AGBL3: variants seen among roughly 807,000 people sequenced by gnomAD.
AGBL3 encodes the protein AGBL carboxypeptidase 3.
Under a neutral mutation model 94.5 loss-of-function variants are expected in AGBL3, and 68 were observed. The observed-to-expected ratio is 0.72, with a 90% confidence interval of 0.59 to 0.88. The LOEUF is 0.88. AGBL3 is among the 40% of genes least tolerant of loss of function. The probability of loss-of-function intolerance (pLI) is 0.00; values close to 1 mark genes in which losing one functional copy is unlikely to be tolerated. For synonymous variants in AGBL3, 354 were observed against 370.7 expected (o/e 0.95, Z 0.52); for missense variants, 934 against 1,103.8 (o/e 0.85, Z 2.18).
intron 16 of AGBL3, among the ~76,000 whole-genome samples, chr7:135,123,728 G>A (rs1212491907): frequency 6.6e-6 from 1 of 152,126 alleles, no homozygotes; most frequent in African/African-American, 2.4e-5. Context: ...AAAAGATTGG[G>A]AGTCAATATT....
chr7:135,018,469 G>C (rs1765757553), intron 5 of AGBL3, among the ~76,000 whole-genome samples: 1 of 152,190 alleles, frequency 6.6e-6, no homozygotes, highest in South Asian at 2.1e-4. Flanking sequence ...GTAGAGGATA[G>C]ATCTGTAGGT....
intron 4 of AGBL3, chr7:135,010,632 A>T (rs1813025354): frequency 6.6e-6 from 1 of 152,192 alleles, no homozygotes; most frequent in Non-Finnish European, 1.5e-5. Flanking sequence ...AGGAAATATA[A>T]GTATTTGGAG....
intron 7 of AGBL3, among the ~76,000 whole-genome samples, chr7:135,035,990 A>G (rs1415711907): frequency 6.6e-6 from 1 of 152,120 alleles, no homozygotes; most frequent in Non-Finnish European, 1.5e-5. Flanking sequence ...AAATTAACAC[A>G]TAATAAATTT....
intron 15 of AGBL3, among the ~76,000 whole-genome samples, chr7:135,113,821 C>T (rs150741098): frequency 6.6e-6 from 1 of 152,194 alleles, no homozygotes; most frequent in African/African-American, 2.4e-5. Context: ...CTCCCTCCCC[C>T]CAGCACCTGG....
intron 15 of AGBL3, among the ~76,000 whole-genome samples, chr7:135,110,167 T>TC (rs1448173132): frequency 1.3e-5 from 2 of 152,082 alleles, no homozygotes; most frequent in African/African-American, 4.8e-5. Flanking sequence ...TCCAAGCCAG[T>TC]CCCTCTGGGA....
intron 15 of AGBL3, among the ~76,000 whole-genome samples, chr7:135,096,622 T>TAGATAGATAGAC (rs1822854289): frequency 6.8e-6 from 1 of 147,810 alleles, no homozygotes; most frequent in Admixed American, 6.8e-5. Flanking sequence ...GATAGATAGA[T>TAGATAGATAGAC]AGGGCTATTC....
chr7:135,003,065 A>G (rs1027193226), intron 4 of AGBL3, among the ~76,000 whole-genome samples: 1 of 151,976 alleles, frequency 6.6e-6, no homozygotes. Context: ...TACTTTGTCT[A>G]TCATTTTTAA....
intron 11 of AGBL3, among the ~76,000 whole-genome samples, chr7:135,050,810 C>A (rs10253047): frequency 0.93 from 141,518 of 152,042 alleles, 66,637 homozygotes; most frequent in Non-Finnish European, 1. Context: ...CTTAAATCTA[C>A]AGGGAGTATC....
In AGBL3 at chr7:135,034,850, G is replaced by A. The variant is rs189905445; in HGVS notation, c.1259G>A (p.Arg420Gln). 7.3e-4 allele frequency: 1,137 copies of A among 1,551,456 alleles called. No homozygotes were observed. The highest frequency in any genetic ancestry group is 9.5e-4 in the Non-Finnish European group (1,088 of 1,146,854). ...VGNYRCSLAG[R>Q]DLNRNYTSLL... ...AATTATCGCTGTTCCTTAGCTGGAC[G>A]GGATTTAAACCGTAATTATACATCT... Residue 420 changes from arginine to glutamine, a missense_variant, in exon 7 of 17, where the codon CGG (arginine) becomes CAG (glutamine). Transcript: ENST00000436302.
intron 13 of AGBL3, among the ~76,000 whole-genome samples, chr7:135,078,889 C>A (rs998687183): frequency 6.6e-6 from 1 of 152,140 alleles, no homozygotes; most frequent in African/African-American, 2.4e-5. Flanking sequence ...AACTTAAATT[C>A]ATGCTCTCGA....
chr7:135,035,002 A>C, intron 7 of AGBL3, 74 bp downstream of exon 7: 97 of 1,303,940 alleles, frequency 7.4e-5, no homozygotes, highest in Middle Eastern at 2.3e-4. Context: ...CCACAATCTC[A>C]TTCATTTTAC....
chr7:135,005,799 T>C (rs558600551), intron 4 of AGBL3, among the ~76,000 whole-genome samples: 1 of 151,784 alleles, frequency 6.6e-6, no homozygotes, highest in Non-Finnish European at 1.5e-5. Context: ...TATTCCCAAG[T>C]GGTTTTTCAT....
In AGBL3 at chr7:134,988,557, C is replaced by T. The variant is rs559487993; in HGVS notation, c.63+561C>T. On this transcript the variant is annotated intron_variant, in intron 2 of 16. Transcript: ENST00000436302. Reference sequence around the variant, plus strand: ...AAATTATGTATGTAAACTAATGTCCCGAAATAAGCTCTTAAAGCTTACTTT... The same window carrying T: ...AAATTATGTATGTAAACTAATGTCCTGAAATAAGCTCTTAAAGCTTACTTT... Among the ~76,000 whole-genome samples the T allele has an allele frequency of 3.9e-5, 6 of 152,084 alleles. No homozygotes were observed. In the South Asian group the frequency reaches 8.3e-4, roughly 21 times the overall value.
rs550461152 is a variant in AGBL3 at position 135,034,279 on chromosome 7, A to G, written c.688A>G (p.Lys230Glu). Residue 230 changes from lysine to glutamate, a missense_variant, in exon 7 of 17, where the codon AAA becomes GAA. Lys to Glu is a moderately conservative substitution (Grantham distance 56, BLOSUM62 1). This residue lies in a region of AGBL3 where 488 missense variants were observed against 563.6 expected (regional missense o/e 0.87). Transcript: ENST00000436302. ...CAGATTCACTATTGTCAACTTCACC[A>G]AACCTGCTAGTCTTTACAGTCGGGG... ...VYRFTIVNFT[K>E]PASLYSRGMR... The G allele has an allele frequency of 6.4e-7, 1 of 1,551,816 alleles. No homozygotes were observed. Among genetic ancestry groups the G allele is most frequent in the African/African-American group, 1.4e-5 (1 of 73,178 alleles).
rs1817315442 is a variant in AGBL3, at chr7:135,045,930, A to T, written c.1841+19A>T. 1.3e-5 allele frequency: 19 copies of T among 1,416,398 alleles called. No homozygotes were observed. Among genetic ancestry groups the T allele is most frequent in the Non-Finnish European group, 1.8e-5 (19 of 1,032,786 alleles). The allele number at this position is 1,416,398 out of a possible 1,614,324, so 87.7% of individuals were successfully genotyped here. On this transcript the variant is annotated intron_variant, in intron 11 of 16. Transcript: ENST00000436302. ...AGTCTAGGTAACTCAAGGCTGCTGA[A>T]GTAATGCAATTTGTTGTGCTGTTTT... is the stretch of plus-strand genomic sequence containing the variant.
intron 4 of AGBL3, among the ~76,000 whole-genome samples, chr7:135,002,659 C>T (rs140026068): frequency 6.6e-6 from 1 of 152,282 alleles, no homozygotes; most frequent in African/African-American, 2.4e-5. Flanking sequence ...TGGACAAGGT[C>T]CAAATCTTTC....
intron 4 of AGBL3, among the ~76,000 whole-genome samples, chr7:135,006,183 T>C (rs1006990148): frequency 5.9e-5 from 9 of 151,894 alleles, no homozygotes; most frequent in Admixed American, 3.3e-4. Flanking sequence ...AACATGCTTA[T>C]GCCAGTTGAT....
intron 12 of AGBL3, among the ~76,000 whole-genome samples, chr7:135,072,485 T>C (rs1419524048): frequency 1.3e-5 from 2 of 152,156 alleles, no homozygotes; most frequent in African/African-American, 4.8e-5. Flanking sequence ...TGCGGCACTA[T>C]TCACAACAGC....
At chr7:135,056,275 TC>T (rs1239683342) in intron 11 of AGBL3, among the ~76,000 whole-genome samples, 3 of 152,120 alleles carry the variant, frequency 2.0e-5, no homozygotes, top group African/African-American at 7.2e-5. Flanking sequence ...CTTCTTTTTT[TC>T]TGCTTGCATT....
Sources: gnomAD v4.1 joint callset for allele counts (sites outside exome capture counted in the v4.1 genomes callset) on GRCh38, gnomAD v4.1.1 for gene constraint, gnomAD v4.1.1 regional missense constraint, MANE v1.5 for transcripts, NCBI Gene and HGNC (gene_info 2026-07-23, HGNC 2026-07-21) for gene names.